TBXAS1: variants seen among roughly 807,000 people sequenced by gnomAD.
TBXAS1 encodes thromboxane-A synthase.
TBXAS1 carries 48 observed loss-of-function variants against 60.7 expected under a neutral mutation model. That is an observed-to-expected ratio of 0.79 (90% CI 0.63 to 1.01). The LOEUF (loss-of-function observed/expected upper bound fraction) is 1.01, where lower values mean the gene tolerates loss of function less well. Ranked by LOEUF, TBXAS1 falls within the 50% of genes least tolerant of loss-of-function variation. The probability of loss-of-function intolerance (pLI) is 0.00; values close to 1 mark genes in which losing one functional copy is unlikely to be tolerated. For missense variants in TBXAS1, 685 were observed against 686.3 expected, an observed-to-expected ratio of 1.00 and a Z score of 0.02; for synonymous variants, 287 against 269.7, an observed-to-expected ratio of 1.06 and a Z score of -0.63.
intron 5 of TBXAS1, among the ~76,000 whole-genome samples, chr7:139,951,532 T>C (rs1340532717): frequency 8.2e-6 from 1 of 121,956 alleles, no homozygotes; most frequent in Non-Finnish European, 1.6e-5. Flanking sequence ...CCAAAGTGGG[T>C]GGATCACGAG....
chr7:139,922,099 C>CT (rs557582196), intron 4 of TBXAS1, among the ~76,000 whole-genome samples: 561 of 139,838 alleles, frequency 4.0e-3, no homozygotes, highest in African/African-American at 9.6e-3. Context: ...TTTTCTTTTT[C>CT]TTTTTTTTTT....
At chr7:140,009,283 G>A (rs572967014) in intron 10 of TBXAS1, among the ~76,000 whole-genome samples, 8 of 152,326 alleles carry the variant, frequency 5.3e-5, no homozygotes, top group East Asian at 1.9e-4. Context: ...TAGAGGGCAC[G>A]TCAGAAGACC....
intron 4 of TBXAS1, among the ~76,000 whole-genome samples, chr7:139,810,329 C>T (rs141930209): frequency 2.6e-5 from 4 of 152,232 alleles, no homozygotes; most frequent in East Asian, 1.9e-4. Flanking sequence ...CCACTGTGCC[C>T]GGCCTGGAAA....
intron 2 of TBXAS1, among the ~76,000 whole-genome samples, chr7:139,781,350 G>C (rs527400800): frequency 6.6e-6 from 1 of 152,206 alleles, no homozygotes; most frequent in Non-Finnish European, 1.5e-5. Context: ...GAGAGCATGG[G>C]AGCTGGGAGG....
Position 139,838,860 on chromosome 7 carries a change from CTG to C in TBXAS1, c.89+9383_89+9384del, listed in dbSNP as rs139527482. ...CTGGAGATGGAGCTGGGGATAGAGA[CTG>C]TATTAGCTGGAAGTACATGGAGCAC... is the stretch of plus-strand genomic sequence containing the variant. On this transcript the variant is annotated intron_variant, in intron 1 of 12. Coordinates refer to ENST00000448866, the MANE Select transcript of TBXAS1 (RefSeq NM_001061.7). 8.2e-3 allele frequency among the ~76,000 whole-genome samples: 1,247 copies of C among 152,258 alleles called. 24 individuals are homozygous for C. Among genetic ancestry groups the C allele is most frequent in the African/African-American group, 0.028 (1,172 of 41,518 alleles).
intron 9 of TBXAS1, among the ~76,000 whole-genome samples, chr7:139,979,339 T>C (rs1378645975): frequency 3.3e-5 from 5 of 152,000 alleles, no homozygotes; most frequent in African/African-American, 1.2e-4. Flanking sequence ...AACAAAGAAA[T>C]ACTATTAAGT....
chr7:139,870,531 A>G (rs1801740772), intron 1 of TBXAS1, among the ~76,000 whole-genome samples: 1 of 152,358 alleles, frequency 6.6e-6, no homozygotes, highest in Middle Eastern at 3.4e-3. Flanking sequence ...TCCACTTGAA[A>G]GAATAACTTT....
At chr7:139,923,714 A>G (rs891931499) in intron 4 of TBXAS1, among the ~76,000 whole-genome samples, 1 of 151,988 alleles carries the variant, frequency 6.6e-6, no homozygotes, top group African/African-American at 2.4e-5. Context: ...ATTATTGACT[A>G]TAGTCACCAA....
intron 9 of TBXAS1, among the ~76,000 whole-genome samples, chr7:139,996,056 A>G (rs1225132696): frequency 6.6e-6 from 1 of 151,310 alleles, no homozygotes; most frequent in Admixed American, 6.6e-5. Flanking sequence ...TCTGCCTCAA[A>G]CTCCTAGGTT....
chr7:139,824,834 T>TTTC (rs1798396209), upstream of TBXAS1, among the ~76,000 whole-genome samples: 2 of 109,582 alleles, frequency 1.8e-5, no homozygotes, highest in South Asian at 6.1e-4. Context: ...CTTTTCTTTT[T>TTTC]TTTTTTTTTT....
At chr7:139,971,412 G>A (rs979159302) in intron 9 of TBXAS1, among the ~76,000 whole-genome samples, 3 of 146,288 alleles carry the variant, frequency 2.1e-5, no homozygotes, top group African/African-American at 5.0e-5. Context: ...AGTTCCCAAA[G>A]CAGGGTGACC....
chr7:139,917,150 G>A (rs935778445), intron 4 of TBXAS1, among the ~76,000 whole-genome samples: 2 of 152,132 alleles, frequency 1.3e-5, no homozygotes, highest in African/African-American at 4.8e-5. Flanking sequence ...CTCACATTAC[G>A]GGTCTACAGC....
At chr7:139,945,766 G>A (rs1808654408) in intron 5 of TBXAS1, among the ~76,000 whole-genome samples, 1 of 152,178 alleles carries the variant, frequency 6.6e-6, no homozygotes, top group African/African-American at 2.4e-5. Flanking sequence ...TCCTGGCATG[G>A]CTTAGCTGAG....
rs146395744 is a variant in TBXAS1 at position 139,940,524 on chromosome 7, C to T, written c.450+4217C>T. Among the ~76,000 whole-genome samples, 95 of 152,224 alleles carry T rather than the reference C, an allele frequency of 6.2e-4. 1 individual carries two copies. The highest frequency in any genetic ancestry group is 2.0e-3 in the African/African-American group (83 of 41,522). On this transcript the variant is annotated intron_variant, in intron 5 of 12. Coordinates refer to ENST00000448866, the MANE Select transcript of TBXAS1 (RefSeq NM_001061.7). ...CTGGAAAGATTCTGCTGAGAGCCAGCGTGGAAAGCCCCGGCACAGTGAGTG... is the reference window on the plus strand; with the variant it reads ...CTGGAAAGATTCTGCTGAGAGCCAGTGTGGAAAGCCCCGGCACAGTGAGTG...
chr7:139,841,663 T>C (rs1463850415), intron 1 of TBXAS1, among the ~76,000 whole-genome samples: 2 of 152,304 alleles, frequency 1.3e-5, no homozygotes, highest in African/African-American at 4.8e-5. Flanking sequence ...TAAATGGTTA[T>C]ACACAATATC....
intron 9 of TBXAS1, among the ~76,000 whole-genome samples, chr7:139,965,541 T>G (rs1169572757): frequency 6.6e-6 from 1 of 152,160 alleles, no homozygotes; most frequent in Non-Finnish European, 1.5e-5. Flanking sequence ...GAACCCACGT[T>G]TTAAATAAAT....
At chr7:139,918,971 T>G (rs1380538875) in intron 4 of TBXAS1, among the ~76,000 whole-genome samples, 1 of 152,196 alleles carries the variant, frequency 6.6e-6, no homozygotes, top group Non-Finnish European at 1.5e-5. Flanking sequence ...TGGTATTTTT[T>G]TTTTACATTT....
chr7:140,015,158 G>A (rs1333934934), intron 10 of TBXAS1, among the ~76,000 whole-genome samples: 6 of 152,178 alleles, frequency 3.9e-5, no homozygotes, highest in Non-Finnish European at 8.8e-5. Context: ...GAAGACTGAG[G>A]AGTATTCATC....
At chr7:139,990,434 G>A (rs778296681) in intron 9 of TBXAS1, among the ~76,000 whole-genome samples, 19 of 152,298 alleles carry the variant, frequency 1.2e-4, no homozygotes, top group Non-Finnish European at 2.2e-4. Flanking sequence ...TCAGGAGTGT[G>A]GAGTTCAGGG....
Sources: allele counts gnomAD v4.1 joint callset (sites outside exome capture counted in the v4.1 genomes callset), GRCh38; gene constraint gnomAD v4.1.1; transcripts MANE v1.5; gene names NCBI Gene and HGNC (gene_info 2026-07-23, HGNC 2026-07-21).